The following PDCD6 variants were observed in gnomAD, a reference collection of about 807,000 sequenced individuals.
PDCD6 encodes programmed cell death protein 6.
Under a neutral mutation model 28.3 loss-of-function variants are expected in PDCD6, and 12 were observed. The observed-to-expected ratio is 0.42, with a 90% CI of 0.27 to 0.69. PDCD6 has a LOEUF of 0.69. PDCD6 is among the 30% of genes least tolerant of loss of function. The pLI, the probability that PDCD6 is intolerant of heterozygous loss-of-function variation, is 0.22. For missense variants in PDCD6, 226 were observed against 269.9 expected (o/e 0.84, Z 1.14); for synonymous variants, 92 against 108.0 (o/e 0.85, Z 0.92).
intron 2 of PDCD6, among the ~76,000 whole-genome samples, chr5:281,594 C>G (rs146664261): frequency 1.3e-5 from 2 of 151,550 alleles, no homozygotes; most frequent in African/African-American, 2.4e-5. Flanking sequence ...ATTGGTGGGT[C>G]GTAGAGCTGG....
chr5:306,253 G>A (rs552722969), intron 3 of PDCD6: 20 of 242,788 alleles, frequency 8.2e-5, no homozygotes, highest in East Asian at 6.5e-4. Flanking sequence ...TACCTTCCCC[G>A]TGCCTCGGAA....
intron 2 of PDCD6, among the ~76,000 whole-genome samples, chr5:298,556 T>G (rs970899379): frequency 6.6e-6 from 1 of 151,316 alleles, no homozygotes; most frequent in Non-Finnish European, 1.5e-5. Flanking sequence ...TTAGGGTTCC[T>G]CCCGGCCTCG....
chr5:306,503 G>C, intron 3 of PDCD6, 99 bp from the exon 4 acceptor site: 1 of 1,307,406 alleles, frequency 7.6e-7, no homozygotes, highest in Non-Finnish European at 1.1e-6. Context: ...GTCAGCAGTG[G>C]GGCCCCGCCA....
intron 2 of PDCD6, chr5:273,109 C>T (rs1737942802): frequency 3.7e-6 from 1 of 270,170 alleles, no homozygotes; most frequent in Admixed American, 4.6e-5. Flanking sequence ...CTTGAATTTC[C>T]TGGGTGACTG....
rs192475405 is a variant in PDCD6, at chr5:272,046, C to T, written c.101+225C>T. On this transcript the variant is annotated intron_variant, in intron 1 of 5. Transcript: ENST00000264933. ...CTGGCGGGTCCCCCGCGGTCTCCCC[C>T]GTCCGCTGCCCGGTCTCCTGGGGCC... 0.015 allele frequency among the ~76,000 whole-genome samples: 2,217 copies of T among 151,996 alleles called. 85 individuals carry two copies. In the East Asian group the frequency reaches 0.16, roughly 11 times the overall value.
At chr5:274,670 TCA>T (rs1388924705) in intron 2 of PDCD6, among the ~76,000 whole-genome samples, 2 of 152,176 alleles carry the variant, frequency 1.3e-5, no homozygotes, top group Non-Finnish European at 2.9e-5. Flanking sequence ...TACTCAACAC[TCA>T]CACGCTGGGC....
chr5:298,131 T>C (rs1579520413), intron 2 of PDCD6, among the ~76,000 whole-genome samples: 2 of 152,306 alleles, frequency 1.3e-5, no homozygotes, highest in East Asian at 3.9e-4. Flanking sequence ...CATCCAGCTC[T>C]GCTCATGATT....
intron 2 of PDCD6, among the ~76,000 whole-genome samples, chr5:287,250 A>T (rs565124277): frequency 6.6e-6 from 1 of 152,250 alleles, no homozygotes; most frequent in Admixed American, 6.5e-5. Context: ...CTGGAGCTGG[A>T]ATCCTGGTCA....
Position 275,254 on chromosome 5 carries a change from C to G in PDCD6, c.163+2482C>G, listed in dbSNP as rs369232363. ...TGGGCGACACTGTGAGACCCTGTTG[C>G]CTGAATTGCCCTGGGAGATTTCCTC... On this transcript the variant is annotated intron_variant, in intron 2 of 5. Coordinates refer to ENST00000264933, the MANE Select transcript of PDCD6 (RefSeq NM_013232.4). 2.0e-4 allele frequency among the ~76,000 whole-genome samples: 31 copies of G among 152,300 alleles called. No homozygotes were observed. In the South Asian group the frequency reaches 5.8e-3, roughly 28 times the overall value.
Position 271,719 on chromosome 5 carries a change from C to G in PDCD6, c.-2C>G. 6.5e-7 allele frequency: 1 copy of G among 1,532,142 alleles called. No individual in the cohort carries two copies. The highest frequency in any genetic ancestry group is 1.2e-5 in the South Asian group (1 of 85,142). 94.9% of individuals were successfully genotyped at this position (1,532,142 alleles called of 1,614,324 possible). A position where few individuals can be genotyped will look rare whatever the true frequency, so the allele number is the denominator to read the frequency against. ...CCTCAGCCCAGCCGCGTGCCTTGGC[C>G]CATGGCCGCCTACTCTTACCGCCCC... On this transcript the variant is annotated 5_prime_UTR_variant, in exon 1 of 6. Coordinates refer to ENST00000264933, the MANE Select transcript of PDCD6 (RefSeq NM_013232.4).
chr5:290,852 G>C (rs1739271154), intron 2 of PDCD6, among the ~76,000 whole-genome samples: 1 of 152,224 alleles, frequency 6.6e-6, no homozygotes, highest in Non-Finnish European at 1.5e-5. Context: ...TCCATGGTGA[G>C]GTTCCGTGGA....
chr5:296,805 T>C lies in PDCD6; in HGVS notation c.164-7372T>C, dbSNP rs1428995026. Among the ~76,000 whole-genome samples, 4 of 152,078 alleles carry C rather than the reference T, an allele frequency of 2.6e-5. No individual in the cohort carries two copies. In the East Asian group the frequency reaches 7.7e-4, roughly 29 times the overall value. ...GGGCCCGTCGAGGCCCCTCTTTGCT[T>C]CTGAGAGTCTGTTTTCATCGACAGT... On this transcript the variant is annotated intron_variant, in intron 2 of 5. Transcript: ENST00000264933.
chr5:277,373 C>T (rs1738267461), intron 2 of PDCD6, among the ~76,000 whole-genome samples: 1 of 148,194 alleles, frequency 6.7e-6, no homozygotes, highest in Non-Finnish European at 1.5e-5. Flanking sequence ...ACTATCTTGG[C>T]TCACTGCAAG....
At chr5:274,178 G>T (rs138848463) in intron 2 of PDCD6, among the ~76,000 whole-genome samples, 164 of 152,334 alleles carry the variant, frequency 1.1e-3, no homozygotes, top group African/African-American at 3.8e-3. Context: ...AAGCCACACG[G>T]AGTGCCCTCC....
At chr5:300,842 C>T (rs368469125) in intron 2 of PDCD6, among the ~76,000 whole-genome samples, 4 of 152,222 alleles carry the variant, frequency 2.6e-5, no homozygotes, top group African/African-American at 9.6e-5. Flanking sequence ...CCGGGACAAC[C>T]TCTGCTCTCC....
At chr5:314,201 C>G (rs1402372326) in intron 5 of PDCD6, among the ~76,000 whole-genome samples, 1 of 152,212 alleles carries the variant, frequency 6.6e-6, no homozygotes, top group East Asian at 1.9e-4. Flanking sequence ...GGCTGGATGT[C>G]CGGAGCCAGC....
intron 2 of PDCD6, among the ~76,000 whole-genome samples, chr5:300,270 TC>T: frequency 6.6e-6 from 1 of 152,312 alleles, no homozygotes; most frequent in Non-Finnish European, 1.5e-5. Flanking sequence ...GGCTGGAACT[TC>T]CCTGACTGAC....
chr5:298,360 G>A lies in PDCD6; in HGVS notation c.164-5817G>A, dbSNP rs1739753202. Among the ~76,000 whole-genome samples, 2 of 151,850 alleles carry A rather than the reference G, an allele frequency of 1.3e-5. 1 individual carries two copies. Among genetic ancestry groups the A allele is most frequent in the South Asian group, 4.2e-4 (2 of 4,792 alleles). On this transcript the variant is annotated intron_variant, in intron 2 of 5. Coordinates refer to ENST00000264933, the MANE Select transcript of PDCD6 (RefSeq NM_013232.4). ...CCCGAGACAGTGGCTCCCCAGGAGT[G>A]AGCACCAGGCACTGTCAGGGGTTCT...
Position 307,335 on chromosome 5 carries a change from G to A in PDCD6, c.367+575G>A, listed in dbSNP as rs12652225. Among the ~76,000 whole-genome samples, 287 of 46,908 alleles carry A rather than the reference G, an allele frequency of 6.1e-3. 16 individuals are homozygous for A. The East Asian group carries it at 0.064, about 10-fold the overall frequency. The allele number at this position is 46,908 out of a possible 152,430, so 30.8% of individuals were successfully genotyped here. A position where few individuals can be genotyped will look rare whatever the true frequency, so the allele number is the denominator to read the frequency against. ...CGCGTGCCCATTCTCAGGTGTGCTC[G>A]GCGTGTGTGTGCTCGGCGTGTGTGT... On this transcript the variant is annotated intron_variant, in intron 4 of 5. Transcript: ENST00000264933. The surrounding 1 kb of genome is among the most constrained non-coding windows in gnomAD (Gnocchi z 6.1).
Sources: gnomAD v4.1 joint callset for allele counts (sites outside exome capture counted in the v4.1 genomes callset) on GRCh38, gnomAD v4.1.1 for gene constraint, Gnocchi (gnomAD v3.1) non-coding constraint, MANE v1.5 for transcripts, NCBI Gene and HGNC (gene_info 2026-07-23, HGNC 2026-07-21) for gene names.